Variants in ZPBP observed in about 807,000 individuals in gnomAD.
ZPBP encodes the protein zona pellucida-binding protein 1.
A neutral mutation model predicts 44.8 loss-of-function variants in ZPBP; 26 were observed. The ratio of observed to expected loss-of-function variants is 0.58; its 90% CI spans 0.43 to 0.81. ZPBP has a LOEUF of 0.81. Among genes scored for constraint, ZPBP ranks in the 30% least tolerant of loss-of-function variants. ZPBP has a pLI of 0.00. For missense variants in ZPBP, 409 were observed against 434.0 expected (o/e 0.94, Z 0.51); for synonymous variants, 174 against 153.2 (o/e 1.14, Z -1.00).
intron 7 of ZPBP, among the ~76,000 whole-genome samples, chr7:49,944,961 T>C (rs1482030681): frequency 2.6e-5 from 4 of 152,206 alleles, no homozygotes; most frequent in African/African-American, 9.6e-5. Context: ...GAAGTTTTTC[T>C]GCTTTTGTTG....
chr7:49,857,905 G>T (rs1383114115), intron 2 of ZPBP, among the ~76,000 whole-genome samples: 1 of 152,092 alleles, frequency 6.6e-6, no homozygotes, highest in Non-Finnish European at 1.5e-5. Flanking sequence ...AGCTAAGTTT[G>T]GTGTTTCCAC....
chr7:49,954,580 G>T (rs1795490296), intron 7 of ZPBP, among the ~76,000 whole-genome samples: 1 of 152,098 alleles, frequency 6.6e-6, no homozygotes, highest in Non-Finnish European at 1.5e-5. Context: ...AGCTGGAATG[G>T]TTTTATATTA....
chr7:49,883,767 C>T (rs539947681), intron 2 of ZPBP, among the ~76,000 whole-genome samples: 27 of 152,298 alleles, frequency 1.8e-4, no homozygotes, highest in African/African-American at 5.5e-4. Context: ...TCTAATTGAA[C>T]ACAAATTTGA....
At chr7:49,902,083 C>G (rs558864443) in intron 1 of ZPBP, among the ~76,000 whole-genome samples, 1 of 151,942 alleles carries the variant, frequency 6.6e-6, no homozygotes, top group Admixed American at 6.5e-5. Context: ...CCATAAAAGT[C>G]GTAGAAGATC....
intron 3 of ZPBP, among the ~76,000 whole-genome samples, chr7:50,074,754 A>G (rs1448917948): frequency 6.6e-6 from 1 of 151,978 alleles, no homozygotes; most frequent in African/African-American, 2.4e-5. Flanking sequence ...ACATGGGAGC[A>G]CTCAGATATA....
intron 1 of ZPBP, among the ~76,000 whole-genome samples, chr7:49,903,876 G>A (rs976974373): frequency 6.6e-6 from 1 of 152,164 alleles, no homozygotes; most frequent in Non-Finnish European, 1.5e-5. Flanking sequence ...CAAGAGGAAA[G>A]ACTGGCTGGT....
intron 3 of ZPBP, among the ~76,000 whole-genome samples, chr7:50,081,171 T>C (rs1310448396): frequency 6.6e-6 from 1 of 151,668 alleles, no homozygotes; most frequent in African/African-American, 2.4e-5. Context: ...TAAGTTTCTA[T>C]CCACAGGCAC....
chr7:49,990,711 A>G (rs957336709), intron 6 of ZPBP, among the ~76,000 whole-genome samples: 1 of 152,242 alleles, frequency 6.6e-6, no homozygotes, highest in Non-Finnish European at 1.5e-5. Context: ...TCTGTAAAAT[A>G]AACACATTTT....
At chr7:50,027,795 C>A (rs1354089795) in intron 5 of ZPBP, among the ~76,000 whole-genome samples, 1 of 151,836 alleles carries the variant, frequency 6.6e-6, no homozygotes, top group Non-Finnish European at 1.5e-5. Flanking sequence ...CCATTGTAGG[C>A]CAATAAATTA....
chr7:49,849,733 G>T (rs1261765207), downstream of ZPBP, among the ~76,000 whole-genome samples: 1 of 152,160 alleles, frequency 6.6e-6, no homozygotes, highest in Non-Finnish European at 1.5e-5. Context: ...CTGAAGAATG[G>T]GCAACCAGCC....
chr7:49,907,875 T>A (rs1341820778), intron 1 of ZPBP, among the ~76,000 whole-genome samples: 1 of 152,028 alleles, frequency 6.6e-6, no homozygotes, highest in Non-Finnish European at 1.5e-5. Flanking sequence ...GAGACCATAG[T>A]TTTGTCATGC....
At chr7:49,857,813 A>T (rs1790485267) in intron 2 of ZPBP, among the ~76,000 whole-genome samples, 1 of 152,212 alleles carries the variant, frequency 6.6e-6, no homozygotes, top group Non-Finnish European at 1.5e-5. Flanking sequence ...ATCCATAAAA[A>T]GTGAATCAGA....
intron 5 of ZPBP, among the ~76,000 whole-genome samples, chr7:50,028,136 T>C (rs1799421333): frequency 6.6e-6 from 1 of 151,928 alleles, no homozygotes; most frequent in Non-Finnish European, 1.5e-5. Flanking sequence ...AATGCAAAAT[T>C]CTTAATTAAA....
At chr7:49,982,295 TATATAATATATAATTATATA>T (rs1277300902) in intron 7 of ZPBP, among the ~76,000 whole-genome samples, 424 of 18,794 alleles carry the variant, frequency 0.023, 4 homozygotes, top group African/African-American at 0.13. Context: ...ATACATAATA[TATATAATATATAATTATATA>T]ATATATAATT....
chr7:50,035,646 C>T (rs528683295), intron 4 of ZPBP, among the ~76,000 whole-genome samples: 2 of 152,110 alleles, frequency 1.3e-5, no homozygotes, highest in Admixed American at 6.5e-5. Flanking sequence ...AATAAACATA[C>T]ATAAATAGAT....
At chr7:50,072,905 G>C (rs1562608272) in intron 3 of ZPBP, among the ~76,000 whole-genome samples, 1 of 152,090 alleles carries the variant, frequency 6.6e-6, no homozygotes, top group Non-Finnish European at 1.5e-5. Flanking sequence ...CAACACCCAA[G>C]GGCTTTCAAA....
Position 50,041,258 on chromosome 7 carries a change from G to C in ZPBP, c.488-9948C>G, listed in dbSNP as rs559868640. On this transcript the variant is annotated intron_variant, in intron 4 of 7. Transcript: ENST00000046087. ...TCAGCAGGCTTAACCGCTCCTGCCT[G>C]CCAGCTCTAAAGACAGCAGTGGATC... 4.6e-5 allele frequency among the ~76,000 whole-genome samples: 7 copies of C among 152,328 alleles called. No individual in the cohort carries two copies. The South Asian group carries it at 1.5e-3, about 32-fold the overall frequency.
chr7:49,873,735 A>C (rs1459983756), intron 2 of ZPBP, among the ~76,000 whole-genome samples: 1 of 152,194 alleles, frequency 6.6e-6, no homozygotes, highest in Non-Finnish European at 1.5e-5. Flanking sequence ...TTCAACATGT[A>C]TATTTGTTAA....
chr7:49,862,547 TA>T (rs1447046511), intron 2 of ZPBP, among the ~76,000 whole-genome samples: 1 of 152,200 alleles, frequency 6.6e-6, no homozygotes. Flanking sequence ...GTTCCTATTT[TA>T]GGGGGAAAGC....
Sources: allele counts gnomAD v4.1 joint callset (sites outside exome capture counted in the v4.1 genomes callset), GRCh38; gene constraint gnomAD v4.1.1; transcripts MANE v1.5; gene names NCBI Gene and HGNC (gene_info 2026-07-23, HGNC 2026-07-21).